The following PAPPA2 variants were observed in gnomAD, a reference collection of about 807,000 sequenced individuals.
PAPPA2 encodes pappalysin 2.
In PAPPA2, 86 loss-of-function variants were observed where a neutral mutation model predicts 176.4. That is an observed-to-expected ratio of 0.49 (90% CI 0.41 to 0.58). The LOEUF (loss-of-function observed/expected upper bound fraction) is 0.58, where lower values mean the gene tolerates loss of function less well. Among genes scored for constraint, PAPPA2 ranks in the 20% least tolerant of loss-of-function variants. The probability of loss-of-function intolerance (pLI) is 0.00; values close to 1 mark genes in which losing one functional copy is unlikely to be tolerated. For missense variants in PAPPA2, 2,073 were observed against 2,256.9 expected (o/e 0.92, Z 1.65); for synonymous variants, 809 against 852.2 (o/e 0.95, Z 0.88).
chr1:176,765,859 A>G, intron 15 of PAPPA2, 22 bp downstream of exon 15: 1 of 1,610,104 alleles, frequency 6.2e-7, no homozygotes, highest in South Asian at 1.1e-5. Context: ...GAACACTATC[A>G]CCAGGACCAA....
chr1:176,735,793 CTT>C (rs368649932), intron 12 of PAPPA2, among the ~76,000 whole-genome samples: 90 of 151,980 alleles, frequency 5.9e-4, no homozygotes, highest in African/African-American at 1.8e-3. Flanking sequence ...TTCATTTTCT[CTT>C]TGTTTCAAAA....
intron 1 of PAPPA2, among the ~76,000 whole-genome samples, chr1:176,530,132 A>G (rs12059195): frequency 0.03 from 4,523 of 152,322 alleles, 205 homozygotes; most frequent in African/African-American, 0.097. Context: ...CTCTTGAAAC[A>G]TAAATCAGGA....
rs762404499 is a variant in PAPPA2 at position 176,556,990 on chromosome 1, C to T, written c.668C>T (p.Pro223Leu). ...SGISSHFQPW[P>L]KHSLKHRVKK... is the part of the protein sequence containing the mutation. ...ATCTCTTCACATTTCCAACCTTGGC[C>T]CAAGCATTCCCTTAAACACAGGGTC... is the stretch of plus-strand genomic sequence containing the variant. Residue 223 changes from proline (P) to leucine (L), a missense_variant, in exon 2 of 23, where the codon CCC (proline) becomes CTC (leucine). Physicochemically the swap from Pro to Leu is moderately conservative, Grantham distance 98. This residue lies in a region of PAPPA2 where 1,196 missense variants were observed against 1,330.4 expected (regional missense o/e 0.90). Transcript: ENST00000367662. 1.2e-6 allele frequency: 2 copies of T among 1,614,010 alleles called. No individual in the cohort carries two copies. Among genetic ancestry groups the T allele is most frequent in the South Asian group, 2.2e-5 (2 of 91,070 alleles).
intron 11 of PAPPA2, among the ~76,000 whole-genome samples, chr1:176,710,914 G>T (rs975621243): frequency 6.6e-6 from 1 of 152,088 alleles, no homozygotes; most frequent in Admixed American, 6.6e-5. Flanking sequence ...TTTCATCCTC[G>T]GGTGCAGCCT....
At chr1:176,807,666 T>A (rs1665964215) in intron 21 of PAPPA2, among the ~76,000 whole-genome samples, 1 of 152,048 alleles carries the variant, frequency 6.6e-6, no homozygotes, top group Non-Finnish European at 1.5e-5. Flanking sequence ...TGGCTGATTT[T>A]TGTATTTTTA....
chr1:176,666,161 C>T (rs1658630080), intron 3 of PAPPA2, among the ~76,000 whole-genome samples: 1 of 151,988 alleles, frequency 6.6e-6, no homozygotes, highest in Admixed American at 6.6e-5. Context: ...TCGTTGGTCT[C>T]TAAAGCAGGA....
intron 14 of PAPPA2, among the ~76,000 whole-genome samples, chr1:176,747,741 A>G (rs1476608389): frequency 6.6e-6 from 1 of 152,204 alleles, no homozygotes; most frequent in Admixed American, 6.5e-5. Flanking sequence ...ATTCTAGGCA[A>G]CGCTTAGCTG....
chr1:176,734,349 C>A (rs1662298916), intron 12 of PAPPA2, among the ~76,000 whole-genome samples: 2 of 151,648 alleles, frequency 1.3e-5, no homozygotes, highest in Non-Finnish European at 2.9e-5. Context: ...TATAGTGGTT[C>A]CCCCTTCATT....
chr1:176,621,231 G>A (rs1004238056), intron 3 of PAPPA2, among the ~76,000 whole-genome samples: 1 of 152,170 alleles, frequency 6.6e-6, no homozygotes. Context: ...GCTACTTGAG[G>A]TCTTCTGAGA....
At chr1:176,721,021 C>T (rs1571225606) in intron 12 of PAPPA2, among the ~76,000 whole-genome samples, 2 of 152,304 alleles carry the variant, frequency 1.3e-5, no homozygotes, top group South Asian at 2.1e-4. Context: ...GGCACTCATC[C>T]ACACTGAGGG....
chr1:176,669,142 G>T (rs1227389089), intron 3 of PAPPA2, among the ~76,000 whole-genome samples: 1 of 152,102 alleles, frequency 6.6e-6, no homozygotes, highest in African/African-American at 2.4e-5. Context: ...GAGGAGAAGA[G>T]AGAGAAAGCT....
At chr1:176,726,678 A>T (rs184436373) in intron 12 of PAPPA2, among the ~76,000 whole-genome samples, 1 of 152,322 alleles carries the variant, frequency 6.6e-6, no homozygotes, top group African/African-American at 2.4e-5. Context: ...TGGAAATCAC[A>T]TCAAAGGGAA....
rs142115393 is a variant in PAPPA2, at chr1:176,756,712, A to G, written c.4152-8954A>G. ...GGGCCCTGTAGATAAGACTCTTATTATTATTATTATTATCATACTTTAAGT... is the reference window on the plus strand; with the variant it reads ...GGGCCCTGTAGATAAGACTCTTATTGTTATTATTATTATCATACTTTAAGT... On this transcript the variant is annotated intron_variant, in intron 14 of 22. Transcript: ENST00000367662. Among the ~76,000 whole-genome samples, 1,247 of 151,772 alleles carry G rather than the reference A, an allele frequency of 8.2e-3. 20 individuals are homozygous for G. Among genetic ancestry groups the G allele is most frequent in the African/African-American group, 0.028 (1,143 of 41,158 alleles).
At chr1:176,508,879 C>G (rs1179013535) in intron 1 of PAPPA2, among the ~76,000 whole-genome samples, 1 of 152,084 alleles carries the variant, frequency 6.6e-6, no homozygotes, top group African/African-American at 2.4e-5. Context: ...CATAAGTGTC[C>G]TGAGGCTTCC....
chr1:176,726,497 G>C (rs904094935), intron 12 of PAPPA2, among the ~76,000 whole-genome samples: 2 of 152,190 alleles, frequency 1.3e-5, no homozygotes, highest in Non-Finnish European at 2.9e-5. Context: ...CCTTGGCAAT[G>C]GGGAGCATAT....
chr1:176,683,400 CG>C (rs1659680906), intron 4 of PAPPA2, among the ~76,000 whole-genome samples: 1 of 152,158 alleles, frequency 6.6e-6, no homozygotes, highest in African/African-American at 2.4e-5. Context: ...CCATTCATAT[CG>C]TTTTCCATGT....
At chr1:176,811,112 C>A (rs1666129346) in intron 21 of PAPPA2, among the ~76,000 whole-genome samples, 1 of 152,108 alleles carries the variant, frequency 6.6e-6, no homozygotes, top group African/African-American at 2.4e-5. Flanking sequence ...CCAAAATGGA[C>A]TTAGAAGTGT....
At chr1:176,634,947 GTAGATAGATAGATAGATAAA>G (rs200883798) in intron 3 of PAPPA2, among the ~76,000 whole-genome samples, 7,131 of 144,848 alleles carry the variant, frequency 0.049, 179 homozygotes, top group South Asian at 0.094. Flanking sequence ...TAGATGATAG[GTAGATAGATAGATAGATAAA>G]TAGATAGATA....
chr1:176,665,832 TTGTC>T (rs1658610580), intron 3 of PAPPA2, among the ~76,000 whole-genome samples: 1 of 152,220 alleles, frequency 6.6e-6, no homozygotes. Context: ...GAAATTCACT[TTGTC>T]TGAGTTTCTT....
Sources: gnomAD v4.1 joint callset for allele counts (sites outside exome capture counted in the v4.1 genomes callset) on GRCh38, gnomAD v4.1.1 for gene constraint, gnomAD v4.1.1 regional missense constraint, MANE v1.5 for transcripts, NCBI Gene and HGNC (gene_info 2026-07-23, HGNC 2026-07-21) for gene names.